Variants in ZC3H3 observed in about 807,000 individuals in gnomAD.
ZC3H3 encodes zinc finger CCCH domain-containing protein 3.
A neutral mutation model predicts 77.3 loss-of-function variants in ZC3H3; 36 were observed. The observed-to-expected ratio is 0.47, with a 90% CI of 0.36 to 0.61. The LOEUF (loss-of-function observed/expected upper bound fraction) is 0.61. Among genes scored for constraint, ZC3H3 ranks in the 20% least tolerant of loss-of-function variants. ZC3H3 has a pLI of 0.00. For synonymous variants in ZC3H3, 626 were observed against 555.2 expected (o/e 1.13, Z -1.79); for missense variants, 1,331 against 1,312.2 (o/e 1.01, Z -0.22).
At chr8:143,486,750 A>C (rs1378304711) in intron 4 of ZC3H3, among the ~76,000 whole-genome samples, 3 of 150,434 alleles carry the variant, frequency 2.0e-5, no homozygotes, top group African/African-American at 4.9e-5. Context: ...AGCACCCGCT[A>C]CACGACCCCA....
intron 4 of ZC3H3, among the ~76,000 whole-genome samples, chr8:143,495,763 T>G (rs1821329867): frequency 3.2e-5 from 1 of 31,510 alleles, no homozygotes; most frequent in South Asian, 1.2e-3. Flanking sequence ...CTTTTCTTTC[T>G]TTTTTTTTTT....
At chr8:143,481,777 G>A (rs1020450871) in intron 4 of ZC3H3, among the ~76,000 whole-genome samples, 7 of 152,228 alleles carry the variant, frequency 4.6e-5, no homozygotes, top group African/African-American at 1.4e-4. Flanking sequence ...CCCACAGCCA[G>A]GCCCCGCAGC....
At chr8:143,499,884 C>A (rs542291505) in intron 4 of ZC3H3, among the ~76,000 whole-genome samples, 40 of 152,318 alleles carry the variant, frequency 2.6e-4, no homozygotes, top group African/African-American at 8.7e-4. Flanking sequence ...GGAGCCACAC[C>A]GGCCCTCACA....
At chr8:143,537,919 C>T (rs1210619609) in intron 2 of ZC3H3, 84 bp downstream of exon 2, 4 of 1,328,028 alleles carry the variant, frequency 3.0e-6, no homozygotes, top group South Asian at 2.8e-5. Context: ...GGCAAAGCTC[C>T]GAGCTCAGCA....
At chr8:143,497,067 G>A (rs1324566363) in intron 4 of ZC3H3, among the ~76,000 whole-genome samples, 1 of 152,226 alleles carries the variant, frequency 6.6e-6, no homozygotes, top group Non-Finnish European at 1.5e-5. Context: ...TACTGCAAAT[G>A]CGATAAAATA....
intron 4 of ZC3H3, among the ~76,000 whole-genome samples, chr8:143,491,799 G>C (rs1439788299): frequency 6.6e-6 from 1 of 152,228 alleles, no homozygotes; most frequent in African/African-American, 2.4e-5. Context: ...GTGGGCCCTA[G>C]AGAAGGAGCA....
intron 9 of ZC3H3, among the ~76,000 whole-genome samples, chr8:143,464,645 T>C (rs1436747106): frequency 6.6e-6 from 1 of 151,968 alleles, no homozygotes; most frequent in Non-Finnish European, 1.5e-5. Flanking sequence ...TCCTTGCGGG[T>C]GGGCTGAGAA....
chr8:143,495,194 T>C (rs1392157157), intron 4 of ZC3H3, among the ~76,000 whole-genome samples: 1 of 152,010 alleles, frequency 6.6e-6, no homozygotes, highest in Non-Finnish European at 1.5e-5. Context: ...ATTAATAAAG[T>C]GCGGAACAAG....
chr8:143,537,343 G>A lies in ZC3H3; in HGVS notation c.1364+660C>T, dbSNP rs58723189. Among the ~76,000 whole-genome samples the A allele has an allele frequency of 9.9e-3, 1,505 of 152,288 alleles. 23 individuals are homozygous for A. The highest frequency in any genetic ancestry group is 0.034 in the African/African-American group (1,423 of 41,556). ...AGGCCAACTGCAGCCTCAACACTCC[G>A]CAAGGGAGGCCACAGAGCCCAAAGC... On this transcript the variant is annotated intron_variant, in intron 2 of 11. Coordinates refer to ENST00000262577, the MANE Select transcript of ZC3H3 (RefSeq NM_015117.3).
At chr8:143,521,892 C>G (rs528353014) in intron 3 of ZC3H3, among the ~76,000 whole-genome samples, 52 of 152,354 alleles carry the variant, frequency 3.4e-4, no homozygotes, top group Admixed American at 1.0e-3. Flanking sequence ...GCCACAGAGG[C>G]GGCTCCCATA....
At position 143,533,408 on chromosome 8, in the gene ZC3H3, G is replaced by A. The variant is rs1822685963; in HGVS notation, c.1561+2849C>T. Among the ~76,000 whole-genome samples the A allele has an allele frequency of 6.6e-6, 1 of 152,112 alleles. No individual in the cohort carries two copies. The highest frequency in any genetic ancestry group is 2.4e-5 in the African/African-American group (1 of 41,418). ...GCAGCTGGCCCTGTGCTCTCCCCCT[G>A]CCTGTTCCTCAGAAGGCATTTTCCA... is the stretch of plus-strand genomic sequence containing the variant. On this transcript the variant is annotated intron_variant, in intron 3 of 11. Transcript: ENST00000262577. This position sits in a 1 kb window ranked among gnomAD's most constrained non-coding sequence, Gnocchi z 4.0.
intron 3 of ZC3H3, chr8:143,523,427 A>G (rs1161273643): frequency 1.0e-6 from 1 of 985,312 alleles, no homozygotes; most frequent in Admixed American, 6.2e-5. Context: ...CCTGTCTGGA[A>G]GGTGATCTCA....
At chr8:143,447,564 A>C (rs551313633) in intron 9 of ZC3H3, among the ~76,000 whole-genome samples, 1 of 152,224 alleles carries the variant, frequency 6.6e-6, no homozygotes, top group Non-Finnish European at 1.5e-5. Flanking sequence ...GCACTGCTAT[A>C]AAGACATACC....
intron 3 of ZC3H3, among the ~76,000 whole-genome samples, chr8:143,510,096 G>T (rs935151911): frequency 6.6e-6 from 1 of 152,216 alleles, no homozygotes; most frequent in Admixed American, 6.5e-5. Flanking sequence ...CAGTGGTCAG[G>T]TCAGGCTTCT....
In ZC3H3 at chr8:143,529,404, G is replaced by A. The variant is rs1208975154; in HGVS notation, c.1561+6853C>T. Among the ~76,000 whole-genome samples the A allele has an allele frequency of 1.7e-4, 26 of 152,214 alleles. 1 individual carries two copies. The highest frequency in any genetic ancestry group is 5.8e-4 in the East Asian group (3 of 5,192). ...CCCAGGCCTCTGATGCCAGGGCTGCGTGGCAAACCACCCCCTCTCCAAGGC... is the reference window on the plus strand; with the variant it reads ...CCCAGGCCTCTGATGCCAGGGCTGCATGGCAAACCACCCCCTCTCCAAGGC... On this transcript the variant is annotated intron_variant, in intron 3 of 11. Coordinates refer to ENST00000262577, the MANE Select transcript of ZC3H3 (RefSeq NM_015117.3).
Position 143,538,462 on chromosome 8 carries a change from C to T in ZC3H3, c.905G>A (p.Arg302Gln), listed in dbSNP as rs1271300454. The T allele has an allele frequency of 4.3e-6, 7 of 1,613,100 alleles. No homozygotes were observed. The highest frequency in any genetic ancestry group is 1.7e-5 in the Admixed American group (1 of 60,036). ...AREASLVVTC[R>Q]TNKFRKNNYK... is the part of the protein sequence containing the mutation. ...GTTGTTTTTCCGGAACTTGTTAGTT[C>T]GACAGGTCACAACCAGCGAGGCCTC... The change falls in exon 2 of 12, where the codon CGA (arginine) becomes CAA (glutamine). Residue 302 changes from arginine (R) to glutamine (Q), a missense_variant. Around this residue, in one of 3 missense-constraint regions of ZC3H3, gnomAD observed 978 missense variants for 915.5 expected, o/e 1.07. Transcript: ENST00000262577.
At chr8:143,509,207 C>T (rs536377871) in intron 3 of ZC3H3, among the ~76,000 whole-genome samples, 57 of 152,238 alleles carry the variant, frequency 3.7e-4, no homozygotes, top group Non-Finnish European at 8.1e-4. Flanking sequence ...GAGTCCACAT[C>T]AGAGAGTCTG....
intron 9 of ZC3H3, among the ~76,000 whole-genome samples, chr8:143,459,770 T>A (rs1445146530): frequency 2.0e-5 from 3 of 147,336 alleles, no homozygotes; most frequent in Non-Finnish European, 3.0e-5. Flanking sequence ...ATTTCATGTT[T>A]AAAAAAAACC....
chr8:143,449,051 C>T (rs754879328), intron 9 of ZC3H3, among the ~76,000 whole-genome samples: 4 of 152,216 alleles, frequency 2.6e-5, no homozygotes, highest in African/African-American at 4.8e-5. Flanking sequence ...GACACAGGGA[C>T]GCAGATCCTG....
Sources: gnomAD v4.1 joint callset for allele counts (sites outside exome capture counted in the v4.1 genomes callset) on GRCh38, gnomAD v4.1.1 for gene constraint, gnomAD v4.1.1 regional missense constraint, Gnocchi (gnomAD v3.1) non-coding constraint, MANE v1.5 for transcripts, NCBI Gene and HGNC (gene_info 2026-07-23, HGNC 2026-07-21) for gene names.